IPO11: variants seen among roughly 807,000 people sequenced by gnomAD.
The protein encoded by IPO11 is importin 11.
In IPO11, 66 loss-of-function variants were observed where a neutral mutation model predicts 143.2. That is an observed-to-expected ratio of 0.46 (90% confidence interval 0.38 to 0.57). The LOEUF (loss-of-function observed/expected upper bound fraction) is 0.57, where lower values mean the gene tolerates loss of function less well. IPO11 is among the 20% of genes least tolerant of loss of function. The pLI is 0.00. For synonymous variants in IPO11, 385 were observed against 377.8 expected, an observed-to-expected ratio of 1.02 and a Z score of -0.22; for missense variants, 1,026 against 1,141.0, an observed-to-expected ratio of 0.90 and a Z score of 1.45.
intron 21 of IPO11, among the ~76,000 whole-genome samples, chr5:62,527,763 T>A (rs1742414268): frequency 1.3e-5 from 2 of 152,152 alleles, no homozygotes; most frequent in South Asian, 4.1e-4. Flanking sequence ...TAGGAGAAAA[T>A]TTTTTTAATT....
chr5:62,613,298 CTTTTTTTT>C (rs372608086), intron 29 of IPO11, among the ~76,000 whole-genome samples: 951 of 69,096 alleles, frequency 0.014, 12 homozygotes, highest in African/African-American at 0.048. Flanking sequence ...ACATGCTCTT[CTTTTTTTT>C]TTTTTTTTTT....
At chr5:62,506,552 T>TA (rs918499371) in intron 19 of IPO11, among the ~76,000 whole-genome samples, 195 bp downstream of exon 19, 29 of 149,260 alleles carry the variant, frequency 1.9e-4, no homozygotes, top group Middle Eastern at 3.5e-3. Flanking sequence ...ATTAAAATAC[T>TA]AAAAAAAAAA....
intron 19 of IPO11, among the ~76,000 whole-genome samples, chr5:62,510,046 A>G (rs1169246796): frequency 6.6e-6 from 1 of 152,172 alleles, no homozygotes; most frequent in East Asian, 1.9e-4. Context: ...TCTCCACACC[A>G]TTGCCAACAC....
At chr5:62,598,340 G>T (rs1745302686) in intron 28 of IPO11, among the ~76,000 whole-genome samples, 1 of 151,224 alleles carries the variant, frequency 6.6e-6, no homozygotes, top group Non-Finnish European at 1.5e-5. Flanking sequence ...ACTGAACAAT[G>T]TCAGTTTTGT....
At chr5:62,598,364 A>C (rs1745303217) in intron 28 of IPO11, among the ~76,000 whole-genome samples, 1 of 149,140 alleles carries the variant, frequency 6.7e-6, no homozygotes, top group Non-Finnish European at 1.5e-5. Context: ...ATGTGAAACG[A>C]CCCATAAATT....
chr5:62,442,530 A>G (rs1014304931), intron 2 of IPO11, among the ~76,000 whole-genome samples: 1 of 152,186 alleles, frequency 6.6e-6, no homozygotes, highest in Non-Finnish European at 1.5e-5. Flanking sequence ...TCGATATGAT[A>G]TATGTAGTGA....
chr5:62,541,454 C>T (rs962927913), intron 24 of IPO11, among the ~76,000 whole-genome samples: 8 of 151,660 alleles, frequency 5.3e-5, no homozygotes, highest in Non-Finnish European at 8.8e-5. Context: ...CTGAGGCAGG[C>T]GGATCACTTG....
At chr5:62,570,598 A>C (rs973634966) in intron 27 of IPO11, among the ~76,000 whole-genome samples, 1 of 152,162 alleles carries the variant, frequency 6.6e-6, no homozygotes, top group African/African-American at 2.4e-5. Flanking sequence ...TGTTCATTGC[A>C]CTCTGGCATC....
chr5:62,435,172 G>GTATATATGTATATATATGTA (rs746098672), intron 1 of IPO11, among the ~76,000 whole-genome samples: 2 of 88,312 alleles, frequency 2.3e-5, no homozygotes, highest in African/African-American at 5.0e-5. Context: ...GTATATATAT[G>GTATATATGTATATATATGTA]TATATATGTA....
chr5:62,544,212 C>T (rs2112336204), intron 24 of IPO11, among the ~76,000 whole-genome samples: 1 of 152,154 alleles, frequency 6.6e-6, no homozygotes. Flanking sequence ...CAATAAAATA[C>T]CGTCAAACCG....
chr5:62,621,408 T>C (rs1237874354), intron 29 of IPO11, among the ~76,000 whole-genome samples: 1 of 152,150 alleles, frequency 6.6e-6, no homozygotes, highest in Non-Finnish European at 1.5e-5. Context: ...AATCTCAGGT[T>C]ACCACACAGG....
At chr5:62,548,433 A>T (rs1195920246) in intron 24 of IPO11, among the ~76,000 whole-genome samples, 1 of 152,108 alleles carries the variant, frequency 6.6e-6, no homozygotes, top group East Asian at 1.9e-4. Context: ...ATGAAATTTT[A>T]GAATGAGGTG....
At chr5:62,420,703 C>T (rs936903505) in intron 1 of IPO11, among the ~76,000 whole-genome samples, 4 of 152,028 alleles carry the variant, frequency 2.6e-5, no homozygotes, top group East Asian at 3.9e-4. Context: ...TCTCAGCCTC[C>T]TGAGTAGCTG....
At chr5:62,496,467 CTA>C (rs1448552516) in intron 16 of IPO11, among the ~76,000 whole-genome samples, 1 of 152,072 alleles carries the variant, frequency 6.6e-6, no homozygotes, top group African/African-American at 2.4e-5. Flanking sequence ...TATACTGTAA[CTA>C]TTATTTTGCA....
chr5:62,489,030 A>G (rs1177051743), intron 13 of IPO11, among the ~76,000 whole-genome samples: 1 of 152,226 alleles, frequency 6.6e-6, no homozygotes, highest in Non-Finnish European at 1.5e-5. Flanking sequence ...TTTGTGGTAT[A>G]TAGCACATTA....
chr5:62,423,735 T>C (rs1225770371), intron 1 of IPO11, among the ~76,000 whole-genome samples: 1 of 152,152 alleles, frequency 6.6e-6, no homozygotes, highest in African/African-American at 2.4e-5. Context: ...TTCAGGTTTG[T>C]TTGTTTGTTT....
At chr5:62,481,559 C>T (rs1158646603) in intron 9 of IPO11, among the ~76,000 whole-genome samples, 4 of 152,114 alleles carry the variant, frequency 2.6e-5, no homozygotes, top group African/African-American at 9.7e-5. Flanking sequence ...TGATGGATTA[C>T]GTTCATTGAT....
chr5:62,518,777 A>G (rs1413664874), intron 20 of IPO11, among the ~76,000 whole-genome samples: 2 of 152,126 alleles, frequency 1.3e-5, no homozygotes, highest in African/African-American at 4.8e-5. Flanking sequence ...GAGGGTGGTC[A>G]CTGGGTGAAA....
At position 62,554,718 on chromosome 5, in the gene IPO11, G is replaced by C. The variant is rs151128892; in HGVS notation, c.2460+3382G>C. Among the ~76,000 whole-genome samples, 188 of 151,060 alleles carry C rather than the reference G, an allele frequency of 1.2e-3. 4 individuals carry two copies. The East Asian group carries it at 0.033, about 27-fold the overall frequency. On this transcript the variant is annotated intron_variant, in intron 26 of 29. Transcript: ENST00000325324. ...TGTTATACAGACACACACTTTTTTG[G>C]GGGGGTGGGGGTGGGGAGACAGAGT...
Sources: gnomAD v4.1 joint callset for allele counts (sites outside exome capture counted in the v4.1 genomes callset) on GRCh38, gnomAD v4.1.1 for gene constraint, MANE v1.5 for transcripts, NCBI Gene and HGNC (gene_info 2026-07-23, HGNC 2026-07-21) for gene names.